The following PHIP variants were observed in gnomAD, a reference collection of about 807,000 sequenced individuals.
PHIP encodes PH-interacting protein.
A neutral mutation model predicts 236.8 loss-of-function variants in PHIP; 54 were observed. The ratio of observed to expected loss-of-function variants is 0.23; its 90% CI spans 0.18 to 0.29. The LOEUF is 0.29. Ranked by LOEUF, PHIP falls within the 10% of genes least tolerant of loss-of-function variation. The pLI is 1.00. For synonymous variants in PHIP, 756 were observed against 718.9 expected (o/e 1.05, Z -0.83); for missense variants, 1,370 against 2,190.8 (o/e 0.63, Z 7.48).
intron 39 of PHIP, among the ~76,000 whole-genome samples, chr6:78,944,238 C>T (rs1773678782): frequency 6.6e-6 from 1 of 152,016 alleles, no homozygotes; most frequent in African/African-American, 2.4e-5. Flanking sequence ...AGGCAAGAGC[C>T]AAGTAATAAA....
intron 6 of PHIP, 88 bp from the exon 7 acceptor site, chr6:79,043,091 G>T: frequency 9.8e-7 from 1 of 1,025,128 alleles, no homozygotes; most frequent in Non-Finnish European, 1.5e-6. Context: ...ACTCCAATTT[G>T]TCATGTGCAG....
intron 9 of PHIP, among the ~76,000 whole-genome samples, chr6:79,024,201 T>C (rs1300193261): frequency 6.6e-6 from 1 of 152,184 alleles, no homozygotes; most frequent in Non-Finnish European, 1.5e-5. Context: ...TTCATATACA[T>C]GAAGTTAAAG....
chr6:79,059,788 C>T (rs1010547502), intron 6 of PHIP, among the ~76,000 whole-genome samples: 1 of 151,468 alleles, frequency 6.6e-6, no homozygotes, highest in African/African-American at 2.4e-5. Context: ...CTTTGAAGGT[C>T]TCTGAAAATT....
chr6:79,003,547 T>C (rs1031486578), intron 16 of PHIP, among the ~76,000 whole-genome samples, 183 bp downstream of exon 16: 9 of 151,982 alleles, frequency 5.9e-5, no homozygotes, highest in Admixed American at 5.9e-4. Flanking sequence ...CCTATTAAAG[T>C]GAGATTTAAC....
intron 4 of PHIP, among the ~76,000 whole-genome samples, chr6:79,074,286 G>GA (rs1411783611): frequency 6.6e-6 from 1 of 151,782 alleles, no homozygotes; most frequent in Non-Finnish European, 1.5e-5. Flanking sequence ...AGTCTTACAA[G>GA]AAAAAATGTA....
intron 6 of PHIP, among the ~76,000 whole-genome samples, chr6:79,048,108 G>T: frequency 6.7e-6 from 1 of 150,306 alleles, no homozygotes. Context: ...TATTTATTTG[G>T]GTATTCCTCT....
chr6:79,059,938 G>C (rs1036941587), intron 6 of PHIP, among the ~76,000 whole-genome samples: 2 of 151,990 alleles, frequency 1.3e-5, no homozygotes, highest in African/African-American at 2.4e-5. Context: ...GGGAGGGAGA[G>C]AGAGATAGAA....
At chr6:79,052,390 G>C (rs931171134) in intron 6 of PHIP, among the ~76,000 whole-genome samples, 5 of 152,150 alleles carry the variant, frequency 3.3e-5, no homozygotes, top group Non-Finnish European at 5.9e-5. Flanking sequence ...TAGAGAAAGG[G>C]CAAGTGTCAA....
In PHIP at chr6:79,016,630, G is replaced by A; in HGVS notation, c.1149C>T (p.Gly383=). ...AAATACGTGCTGTCCCATCACGACT[G>A]CCACTTACAAACCTGTATTAAAAGG... ...FSNTSNRFVS[G]SRDGTARIWQ... is the part of the protein sequence containing the mutation. The change falls in exon 13 of 40, where the codon GGC becomes GGT. Residue 383 remains glycine (G), a synonymous_variant. Transcript: ENST00000275034. The A allele has an allele frequency of 6.2e-7, 1 of 1,604,552 alleles. No individual in the cohort carries two copies.
rs2127677234 is a variant in PHIP at position 78,940,737 on chromosome 6, G to A, written c.5422C>T (p.Arg1808Ter). The A allele has an allele frequency of 6.2e-7, 1 of 1,612,218 alleles. No individual in the cohort carries two copies. Among genetic ancestry groups the A allele is most frequent in the Non-Finnish European group, 8.5e-7 (1 of 1,179,176 alleles). ...TFGTSSRGRV[R>*]KLTEKAKANL... ...GCTTTTGCTTTTTCAGTCAACTTTC[G>A]GACTCGTCCTCTACTAGAAGTTCCA... The change falls in exon 40 of 40, where the codon CGA (arginine) becomes TGA (stop). Residue 1808 changes from arginine to a stop codon, truncating the protein, a stop_gained. Transcript: ENST00000275034. LOFTEE classifies it high-confidence loss of function.
chr6:79,036,149 G>C (rs1242146354), intron 7 of PHIP, among the ~76,000 whole-genome samples: 1 of 152,238 alleles, frequency 6.6e-6, no homozygotes, highest in Admixed American at 6.5e-5. Context: ...CTATTGCCAA[G>C]CTTTATCAGT....
chr6:79,003,912 G>C, intron 15 of PHIP, 54 bp from the exon 16 acceptor site: 2 of 1,203,352 alleles, frequency 1.7e-6, no homozygotes, highest in Non-Finnish European at 2.3e-6. Flanking sequence ...GAAAAGAATT[G>C]GTCACTATTA....
chr6:79,006,428 G>T (rs913838408), intron 15 of PHIP, among the ~76,000 whole-genome samples: 10 of 151,976 alleles, frequency 6.6e-5, no homozygotes, highest in Non-Finnish European at 1.0e-4. Flanking sequence ...CAAAAGAAAA[G>T]AATTTTATCT....
intron 7 of PHIP, among the ~76,000 whole-genome samples, chr6:79,032,802 C>A (rs1363823280): frequency 6.6e-6 from 1 of 151,596 alleles, no homozygotes; most frequent in East Asian, 1.9e-4. Flanking sequence ...AATCGATTCT[C>A]AATTACAGGT....
intron 19 of PHIP, among the ~76,000 whole-genome samples, chr6:78,994,942 T>C (rs553632369): frequency 3.2e-4 from 48 of 152,338 alleles, no homozygotes; most frequent in African/African-American, 1.1e-3. Flanking sequence ...TATAGAATAG[T>C]ATAACCTTAA....
intron 17 of PHIP, 103 bp downstream of exon 17, chr6:79,001,793 ACTT>A: frequency 1.5e-6 from 1 of 686,750 alleles, no homozygotes; most frequent in Non-Finnish European, 2.6e-6. Context: ...ACATACTTTT[ACTT>A]CTTATCCACT....
chr6:78,987,783 T>C (rs1262457268), intron 21 of PHIP, among the ~76,000 whole-genome samples: 2 of 152,196 alleles, frequency 1.3e-5, no homozygotes, highest in Non-Finnish European at 2.9e-5. Context: ...AGCTGTAAAC[T>C]GGTACAGAGA....
chr6:78,988,004 G>A (rs1463760387), intron 21 of PHIP, among the ~76,000 whole-genome samples: 3 of 152,034 alleles, frequency 2.0e-5, no homozygotes, highest in South Asian at 2.1e-4. Context: ...ATTAATTCAC[G>A]AGTTTATTTT....
At chr6:78,945,534 A>G in intron 38 of PHIP, 37 bp from the exon 39 acceptor site, 1 of 1,277,746 alleles carries the variant, frequency 7.8e-7, no homozygotes, top group African/African-American at 1.5e-5. Flanking sequence ...ATTAAGAGTT[A>G]TTGAACCTAA....
Sources: allele counts gnomAD v4.1 joint callset (sites outside exome capture counted in the v4.1 genomes callset), GRCh38; gene constraint gnomAD v4.1.1; transcripts MANE v1.5; gene names NCBI Gene and HGNC (gene_info 2026-07-23, HGNC 2026-07-21).